The following EDARADD variants were observed in gnomAD, a reference collection of about 807,000 sequenced individuals.
EDARADD encodes EDAR associated via death domain, also known as ectodysplasin-A receptor-associated adapter protein.
EDARADD carries 20 observed loss-of-function variants against 25.6 expected under a neutral mutation model. The ratio of observed to expected loss-of-function variants is 0.78; its 90% CI spans 0.55 to 1.14. The LOEUF (loss-of-function observed/expected upper bound fraction) is 1.14, where lower values mean the gene tolerates loss of function less well. Ranked by LOEUF, EDARADD falls within the 50% of genes most tolerant of loss-of-function variation. The pLI, the probability that EDARADD is intolerant of heterozygous loss-of-function variation, is 0.00. For synonymous variants in EDARADD, 86 were observed against 94.4 expected, an observed-to-expected ratio of 0.91 and a Z score of 0.52; for missense variants, 225 against 270.1, an observed-to-expected ratio of 0.83 and a Z score of 1.17.
At chr1:236,454,879 A>T (rs1658812990) in intron 4 of EDARADD, among the ~76,000 whole-genome samples, 1 of 152,296 alleles carries the variant, frequency 6.6e-6, no homozygotes, top group East Asian at 1.9e-4. Context: ...AAGCTACTGG[A>T]ACAAAACTGG....
chr1:236,370,071 T>G (rs981265697), intron 3 of EDARADD, among the ~76,000 whole-genome samples: 2 of 152,062 alleles, frequency 1.3e-5, no homozygotes, highest in East Asian at 3.9e-4. Context: ...CTAAGAAACA[T>G]GTAACCACCC....
At chr1:236,421,198 G>A (rs887323797) in intron 3 of EDARADD, among the ~76,000 whole-genome samples, 10 of 147,014 alleles carry the variant, frequency 6.8e-5, no homozygotes, top group African/African-American at 2.2e-4. Context: ...AGGACACTGT[G>A]CGTCATGCAG....
intron 3 of EDARADD, among the ~76,000 whole-genome samples, chr1:236,422,628 T>C (rs1272464619): frequency 6.6e-6 from 1 of 152,178 alleles, no homozygotes; most frequent in Non-Finnish European, 1.5e-5. Flanking sequence ...TCGTGTATGA[T>C]GGGGGTGATG....
At chr1:236,443,851 A>G (rs1658465262) in intron 4 of EDARADD, among the ~76,000 whole-genome samples, 1 of 152,206 alleles carries the variant, frequency 6.6e-6, no homozygotes, top group Non-Finnish European at 1.5e-5. Flanking sequence ...TTCAATTTGG[A>G]AAGAGTATCT....
At chr1:236,435,119 AG>A (rs899939727) in intron 4 of EDARADD, among the ~76,000 whole-genome samples, 1 of 152,150 alleles carries the variant, frequency 6.6e-6, no homozygotes, top group African/African-American at 2.4e-5. Context: ...TTATAGTTGA[AG>A]CCCTAGGCAT....
chr1:236,433,290 C>T (rs886907134), intron 4 of EDARADD, among the ~76,000 whole-genome samples: 1 of 143,918 alleles, frequency 6.9e-6, no homozygotes, highest in Admixed American at 7.0e-5. Context: ...GGCGCGGTGG[C>T]TCATGCCTGT....
At chr1:236,356,808 G>C (rs1320106893) in intron 3 of EDARADD, among the ~76,000 whole-genome samples, 1 of 152,104 alleles carries the variant, frequency 6.6e-6, no homozygotes, top group Non-Finnish European at 1.5e-5. Context: ...ATGAGGCCAG[G>C]GGTGGTGGCT....
At chr1:236,362,152 T>C (rs1307017700) in intron 3 of EDARADD, among the ~76,000 whole-genome samples, 1 of 152,140 alleles carries the variant, frequency 6.6e-6, no homozygotes, top group Non-Finnish European at 1.5e-5. Context: ...CATAGTTCAC[T>C]GTAACCTCAA....
In EDARADD at chr1:236,394,295, G is replaced by A. The variant is rs1374081587; in HGVS notation, c.-150G>A. On this transcript the variant is annotated 5_prime_UTR_variant, in exon 1 of 6. Transcript: ENST00000334232. ...CTTCCTATCCGAAGGCAGACCAAGA[G>A]GAAGTTTATCCTCCCACCTACAAAT... The A allele has an allele frequency of 2.5e-6, 2 of 812,404 alleles. No homozygotes were observed. Among genetic ancestry groups the A allele is most frequent in the East Asian group, 2.6e-5 (1 of 39,046 alleles). The allele number at this position is 812,404 out of a possible 1,614,324, so 50.3% of individuals were successfully genotyped here.
chr1:236,465,627 C>T (rs993458941), intron 4 of EDARADD, among the ~76,000 whole-genome samples: 2 of 152,116 alleles, frequency 1.3e-5, no homozygotes, highest in Admixed American at 6.5e-5. Flanking sequence ...CTTGCATTTT[C>T]GTTGTTTAAG....
At chr1:236,473,340 A>G (rs1659405840) in intron 5 of EDARADD, among the ~76,000 whole-genome samples, 1 of 152,060 alleles carries the variant, frequency 6.6e-6, no homozygotes, top group Admixed American at 6.6e-5. Flanking sequence ...CTAAGACAGG[A>G]GGATGCCAGG....
intron 5 of EDARADD, among the ~76,000 whole-genome samples, chr1:236,479,518 C>T (rs910779425): frequency 1.1e-4 from 16 of 151,294 alleles, no homozygotes; most frequent in African/African-American, 3.6e-4. Flanking sequence ...AAAAAAACCT[C>T]TCTATTCGCC....
intron 2 of EDARADD, among the ~76,000 whole-genome samples, chr1:236,413,684 A>T (rs1657560282): frequency 6.6e-6 from 1 of 152,232 alleles, no homozygotes; most frequent in Non-Finnish European, 1.5e-5. Context: ...GATTGTGAGA[A>T]CATTTGCTAT....
chr1:236,479,708 T>C (rs1392330286), intron 5 of EDARADD, among the ~76,000 whole-genome samples: 2 of 151,232 alleles, frequency 1.3e-5, no homozygotes, highest in Non-Finnish European at 2.9e-5. Flanking sequence ...CAAACTGGAC[T>C]ACTCAATTCC....
intron 4 of EDARADD, among the ~76,000 whole-genome samples, chr1:236,458,080 C>A (rs2103030546): frequency 6.6e-6 from 1 of 152,288 alleles, no homozygotes; most frequent in African/African-American, 2.4e-5. Flanking sequence ...TGTCAGGGTG[C>A]AGCTCTCACA....
intron 4 of EDARADD, among the ~76,000 whole-genome samples, chr1:236,454,820 C>G (rs1290705468): frequency 6.6e-6 from 1 of 152,176 alleles, no homozygotes; most frequent in Non-Finnish European, 1.5e-5. Flanking sequence ...GAGATATAGA[C>G]TTTTCCACAG....
chr1:236,454,264 G>A (rs1658793732), intron 4 of EDARADD, among the ~76,000 whole-genome samples: 1 of 152,142 alleles, frequency 6.6e-6, no homozygotes, highest in African/African-American at 2.4e-5. Context: ...TAGCCAAGAT[G>A]GTCTCGATCT....
intron 4 of EDARADD, among the ~76,000 whole-genome samples, chr1:236,450,581 C>T (rs1384394980): frequency 5.3e-5 from 6 of 113,534 alleles, no homozygotes; most frequent in Non-Finnish European, 3.3e-5. Flanking sequence ...CAGAGTCTTG[C>T]TCTGTGGCCC....
At chr1:236,397,048 C>G (rs1201830432) in intron 1 of EDARADD, among the ~76,000 whole-genome samples, 1 of 151,954 alleles carries the variant, frequency 6.6e-6, no homozygotes, top group African/African-American at 2.4e-5. Context: ...TCTACTTGGG[C>G]TCCCCTAAAT....
Sources: gnomAD v4.1 joint callset for allele counts (sites outside exome capture counted in the v4.1 genomes callset) on GRCh38, gnomAD v4.1.1 for gene constraint, MANE v1.5 for transcripts, NCBI Gene and HGNC (gene_info 2026-07-23, HGNC 2026-07-21) for gene names.